STRIP1: variants seen among roughly 807,000 people sequenced by gnomAD.
STRIP1 encodes striatin interacting protein 1.
Under a neutral mutation model 106.2 loss-of-function variants are expected in STRIP1, and 63 were observed. That is an observed-to-expected ratio of 0.59 (90% CI 0.48 to 0.73). The LOEUF (loss-of-function observed/expected upper bound fraction) is 0.73, where lower values mean the gene tolerates loss of function less well. Ranked by LOEUF, STRIP1 falls within the 30% of genes least tolerant of loss-of-function variation. The probability of loss-of-function intolerance (pLI) is 0.00; values close to 1 mark genes in which losing one functional copy is unlikely to be tolerated. For synonymous variants in STRIP1, 390 were observed against 413.0 expected, an observed-to-expected ratio of 0.94 and a Z score of 0.67; for missense variants, 857 against 1,074.8, an observed-to-expected ratio of 0.80 and a Z score of 2.83.
chr1:110,052,821 C>T (rs1389645787), intron 20 of STRIP1, among the ~76,000 whole-genome samples: 1 of 152,196 alleles, frequency 6.6e-6, no homozygotes, highest in Non-Finnish European at 1.5e-5. Context: ...CAGCCTCGGC[C>T]TCCCAGAGTG....
chr1:110,041,799 A>G lies in STRIP1; in HGVS notation c.823A>G (p.Ser275Gly). The G allele has an allele frequency of 6.2e-7, 1 of 1,614,154 alleles. No individual in the cohort carries two copies. Among genetic ancestry groups the G allele is most frequent in the Non-Finnish European group, 8.5e-7 (1 of 1,180,034 alleles). The change falls in exon 8 of 21, where the codon AGT (serine) becomes GGT (glycine). Residue 275 changes from serine to glycine, a missense_variant. Physicochemically the swap from Ser to Gly is moderately conservative, Grantham distance 56. Coordinates refer to ENST00000369795, the MANE Select transcript of STRIP1 (RefSeq NM_033088.4). Reference protein sequence around the residue: ...MLFGMVTKFCSGHAPHFPMKK... With the variant: ...MLFGMVTKFCGGHAPHFPMKK... The stretch of plus-strand genomic sequence containing the variant: ...GTTTGGGATGGTGACCAAATTTTGC[A>G]GTGGTCACGCCCCTCACTTTCCCAT...
chr1:110,052,716 C>G (rs1293040251), intron 20 of STRIP1, among the ~76,000 whole-genome samples: 1 of 152,102 alleles, frequency 6.6e-6, no homozygotes, highest in Non-Finnish European at 1.5e-5. Flanking sequence ...GAGATGCACC[C>G]ACCTCGGCCT....
In STRIP1 at chr1:110,045,088, T is replaced by A; in HGVS notation, c.1416+10T>A. 1.9e-6 allele frequency: 3 copies of A among 1,613,766 alleles called. No homozygotes were observed. The highest frequency in any genetic ancestry group is 2.5e-6 in the Non-Finnish European group (3 of 1,179,796). On this transcript the variant is annotated intron_variant, in intron 12 of 20. Coordinates refer to ENST00000369795, the MANE Select transcript of STRIP1 (RefSeq NM_033088.4). Reference sequence around the variant, plus strand: ...CAAGACTCTGAAACAGGTGAGTGGCTTTGGGTGAGCTTTTGGCTTGTTTGG... The same window carrying A: ...CAAGACTCTGAAACAGGTGAGTGGCATTGGGTGAGCTTTTGGCTTGTTTGG...
chr1:110,046,405 C>A (rs755966256), intron 12 of STRIP1, among the ~76,000 whole-genome samples: 2 of 152,114 alleles, frequency 1.3e-5, no homozygotes, highest in South Asian at 2.1e-4. Context: ...GAGGCTGGAG[C>A]AGGAAAATTG....
Position 110,039,212 on chromosome 1 carries a change from C to G in STRIP1, c.366C>G (p.His122Gln). ...GGACTGAGCTGGATACCAACCAGCACCGGACCCATGCCATGAGGCTCCTGG... is the reference window on the plus strand; with the variant it reads ...GGACTGAGCTGGATACCAACCAGCAGCGGACCCATGCCATGAGGCTCCTGG... ...KKWTELDTNQ[H>Q]RTHAMRLLDG... The change falls in exon 4 of 21, where the codon CAC becomes CAG. Residue 122 changes from histidine to glutamine, a missense_variant. By Grantham distance (24) the His-to-Gln change is conservative (BLOSUM62 0). Around this residue, in one of 2 missense-constraint regions of STRIP1, gnomAD observed 750 missense variants for 989.8 expected, o/e 0.76. Transcript: ENST00000369795. 6.2e-7 allele frequency: 1 copy of G among 1,614,182 alleles called. No homozygotes were observed.
rs142995337 is a variant in STRIP1, at chr1:110,035,558, G to GAC, written c.180+742_180+743dup. On this transcript the variant is annotated intron_variant, in intron 1 of 20. Coordinates refer to ENST00000369795, the MANE Select transcript of STRIP1 (RefSeq NM_033088.4). ...TCTGGAGATGGCATAGTCTGGAACTGACTAGTAACCTCACCCCAAGTTAAG... is the reference window on the plus strand; with the variant it reads ...TCTGGAGATGGCATAGTCTGGAACTGACACTAGTAACCTCACCCCAAGTTAAG... Among the ~76,000 whole-genome samples the GAC allele has an allele frequency of 4.3e-4, 66 of 152,288 alleles. No homozygotes were observed. In the East Asian group the frequency reaches 0.012, roughly 28 times the overall value.
intron 5 of STRIP1, chr1:110,039,970 C>A: frequency 8.8e-7 from 1 of 1,141,128 alleles, no homozygotes; most frequent in Non-Finnish European, 1.2e-6. Flanking sequence ...ATAACACCAT[C>A]AATGATAAAG....
At chr1:110,034,276 C>A (rs550243521), upstream of STRIP1, among the ~76,000 whole-genome samples, 27 of 152,272 alleles carry the variant, frequency 1.8e-4, no homozygotes, top group Admixed American at 5.2e-4. Flanking sequence ...TCTGTGAAGA[C>A]TAGGATCCTA....
rs114681471 is a variant in STRIP1, at chr1:110,050,114, C to G, written c.1890-229C>G. ...AAGCTGTGAGGGTCTCTTCCCCTTA[C>G]AAGATCAACAAGCTGGCCTCTGGCT... On this transcript the variant is annotated intron_variant, in intron 17 of 20. Transcript: ENST00000369795. 6,568 of 535,718 alleles carry G rather than the reference C, an allele frequency of 0.012. 150 individuals are homozygous for G. The highest frequency in any genetic ancestry group is 0.051 in the African/African-American group (2,680 of 52,452). 33.2% of individuals were successfully genotyped at this position (535,718 alleles called of 1,614,324 possible).
Position 110,054,026 on chromosome 1 carries a change from C to G in STRIP1, c.*114C>G. 1 of 1,332,360 alleles carries G rather than the reference C, an allele frequency of 7.5e-7. No individual in the cohort carries two copies. The highest frequency in any genetic ancestry group is 1.0e-6 in the Non-Finnish European group (1 of 959,304). The allele number at this position is 1,332,360 out of a possible 1,614,324, so 82.5% of individuals were successfully genotyped here. On this transcript the variant is annotated 3_prime_UTR_variant, in exon 21 of 21. Transcript: ENST00000369795. ...TCCCCCACCAGGTGGCAGCACAGCC[C>G]CACTGTGTCTTCCGCAGTCTGTCCT...
intron 10 of STRIP1, among the ~76,000 whole-genome samples, chr1:110,044,423 A>C (rs556314448): frequency 6.6e-6 from 1 of 152,368 alleles, no homozygotes; most frequent in South Asian, 2.1e-4. Flanking sequence ...AATGCAAAAC[A>C]GATCATCAGA....
upstream of STRIP1, among the ~76,000 whole-genome samples, chr1:110,032,854 A>C (rs1195462600): frequency 2.0e-5 from 3 of 152,178 alleles, no homozygotes; most frequent in Non-Finnish European, 4.4e-5. Flanking sequence ...TCCCTTCTCC[A>C]AAAGCAGCCA....
upstream of STRIP1, among the ~76,000 whole-genome samples, chr1:110,034,067 C>T (rs563510026): frequency 1.3e-5 from 2 of 152,328 alleles, no homozygotes; most frequent in East Asian, 3.9e-4. Context: ...TAATTAGTGC[C>T]ATGAACAAAT....
chr1:110,038,642 G>A, intron 2 of STRIP1, 41 bp from the exon 3 acceptor site: 1 of 1,566,060 alleles, frequency 6.4e-7, no homozygotes, highest in Non-Finnish European at 8.8e-7. Flanking sequence ...GGTGTGCAAT[G>A]CAGACATGGA....
Position 110,047,572 on chromosome 1 carries a change from G to A in STRIP1, c.1519G>A (p.Glu507Lys). Residue 507 changes from glutamate to lysine, a missense_variant, in exon 14 of 21, where the codon GAA becomes AAA. Glu to Lys is a moderately conservative substitution (Grantham distance 56). Around this residue, in one of 2 missense-constraint regions of STRIP1, gnomAD observed 750 missense variants for 989.8 expected, o/e 0.76. Coordinates refer to ENST00000369795, the MANE Select transcript of STRIP1 (RefSeq NM_033088.4). ...AGAAGAAGTTGAGCAAGTCCCTGCAGAAACCCTCTACCAAGGCTTGCTCCC... is the reference window on the plus strand; with the variant it reads ...AGAAGAAGTTGAGCAAGTCCCTGCAAAAACCCTCTACCAAGGCTTGCTCCC... ...GEEEVEQVPAETLYQGLLPSL... is the reference protein window; with the variant it reads ...GEEEVEQVPAKTLYQGLLPSL... 1 of 1,612,192 alleles carries A rather than the reference G, an allele frequency of 6.2e-7. No homozygotes were observed. Among genetic ancestry groups the A allele is most frequent in the Non-Finnish European group, 8.5e-7 (1 of 1,179,170 alleles).
intron 15 of STRIP1, chr1:110,048,102 G>A: frequency 2.0e-6 from 1 of 502,388 alleles, no homozygotes; most frequent in Non-Finnish European, 3.6e-6. Flanking sequence ...AAACTCCTGA[G>A]TGAATTGGGG....
At chr1:110,038,072 A>G in intron 2 of STRIP1, 112 bp downstream of exon 2, 1 of 3,676 alleles carries the variant, frequency 2.7e-4, no homozygotes, top group Non-Finnish European at 7.1e-4. Context: ...GTTCTATCAA[A>G]TATATATATA....
At chr1:110,052,513 A>T (rs1318225905) in intron 20 of STRIP1, among the ~76,000 whole-genome samples, 1 of 152,062 alleles carries the variant, frequency 6.6e-6, no homozygotes, top group African/African-American at 2.4e-5. Flanking sequence ...TCTGTCGCCC[A>T]GGCTGGATTG....
At chr1:110,035,007 T>C (rs1033989886) in intron 1 of STRIP1, among the ~76,000 whole-genome samples, 190 bp downstream of exon 1, 8 of 152,136 alleles carry the variant, frequency 5.3e-5, no homozygotes, top group Non-Finnish European at 1.2e-4. Flanking sequence ...CATGAGTCCT[T>C]GCTCTAGCTC....
Sources: allele counts gnomAD v4.1 joint callset (sites outside exome capture counted in the v4.1 genomes callset), GRCh38; gene constraint gnomAD v4.1.1; regional missense constraint gnomAD v4.1.1; transcripts MANE v1.5; gene names NCBI Gene and HGNC (gene_info 2026-07-23, HGNC 2026-07-21).